SKAP1: variants seen among roughly 807,000 people sequenced by gnomAD.
The protein encoded by SKAP1 is src kinase associated phosphoprotein 1.
Under a neutral mutation model 58.5 loss-of-function variants are expected in SKAP1, and 44 were observed. The observed-to-expected ratio is 0.75, with a 90% CI of 0.59 to 0.97. The LOEUF is 0.97. Ranked by LOEUF, SKAP1 falls within the 50% of genes least tolerant of loss-of-function variation. SKAP1 has a pLI of 0.00. For synonymous variants in SKAP1, 127 were observed against 149.7 expected (o/e 0.85, Z 1.11); for missense variants, 390 against 435.2 (o/e 0.90, Z 0.92).
Position 48,189,398 on chromosome 17 carries a change from T to C in SKAP1, c.358+25A>G, listed in dbSNP as rs369586698. The C allele has an allele frequency of 4.7e-5, 74 of 1,580,084 alleles. No individual in the cohort carries two copies. In the African/African-American group the frequency reaches 9.5e-4, roughly 20 times the overall value. On this transcript the variant is annotated intron_variant, in intron 5 of 12. Transcript: ENST00000336915. Reference sequence around the variant, plus strand: ...CTTCCCTTCCCTTCCTGGAATGTTCTGAAATCTGTGGGTCTGACCAATACC... The same window carrying C: ...CTTCCCTTCCCTTCCTGGAATGTTCCGAAATCTGTGGGTCTGACCAATACC...
the SKAP1 span, among the ~76,000 whole-genome samples, chr17:48,444,405 C>T: frequency 6.6e-6 from 1 of 152,198 alleles, no homozygotes; most frequent in South Asian, 2.1e-4. Flanking sequence ...AACCCACAAA[C>T]ACCCAGTATG....
At chr17:48,315,326 A>T (rs2066274276) in intron 4 of SKAP1, among the ~76,000 whole-genome samples, 1 of 152,196 alleles carries the variant, frequency 6.6e-6, no homozygotes. Flanking sequence ...GTATCTGTGA[A>T]CACTCTGAAA....
intron 4 of SKAP1, among the ~76,000 whole-genome samples, chr17:48,270,929 T>G: frequency 7.3e-6 from 1 of 136,248 alleles, no homozygotes; most frequent in Admixed American, 7.5e-5. Context: ...CTTTTAAAGG[T>G]AGTGCAGGTT....
chr17:48,363,826 G>T lies in SKAP1; in HGVS notation c.153-12C>A. ...AATCCCAATAGTACCTGAAATACAA[G>T]GGGGAAAAAAAAAGGGAATAAGTCA... On this transcript the variant is annotated splice_polypyrimidine_tract_variant and intron_variant, in intron 2 of 12. Transcript: ENST00000336915. The T allele has an allele frequency of 1.3e-6, 2 of 1,598,972 alleles. No individual in the cohort carries two copies. The highest frequency in any genetic ancestry group is 1.1e-5 in the South Asian group (1 of 88,636).
chr17:48,253,500 C>T (rs921960034), intron 4 of SKAP1, among the ~76,000 whole-genome samples: 8 of 152,098 alleles, frequency 5.3e-5, no homozygotes, highest in African/African-American at 1.7e-4. Context: ...TAAAATTACA[C>T]GTGGCATTTC....
At chr17:48,172,059 T>C (rs1598393886) in intron 9 of SKAP1, among the ~76,000 whole-genome samples, 1 of 152,078 alleles carries the variant, frequency 6.6e-6, no homozygotes, top group East Asian at 1.9e-4. Context: ...GACTCTGTCC[T>C]GGGGAAAAAA....
intron 5 of SKAP1, 66 bp downstream of exon 5, chr17:48,189,357 G>T: frequency 7.6e-7 from 1 of 1,322,542 alleles, no homozygotes; most frequent in Non-Finnish European, 1.1e-6. Flanking sequence ...CAATGTGTTA[G>T]CCTTCTTTTT....
At chr17:48,231,620 A>T (rs2065127002) in intron 4 of SKAP1, among the ~76,000 whole-genome samples, 1 of 152,102 alleles carries the variant, frequency 6.6e-6, no homozygotes, top group Non-Finnish European at 1.5e-5. Context: ...GTTGTCCCAT[A>T]GAAATAGGGA....
At chr17:48,337,928 G>A (rs1367185002) in intron 4 of SKAP1, among the ~76,000 whole-genome samples, 1 of 151,966 alleles carries the variant, frequency 6.6e-6, no homozygotes, top group Non-Finnish European at 1.5e-5. Context: ...GGTGGTCTTG[G>A]GTATGATACT....
rs536597175 is a variant in SKAP1 at position 48,342,912 on chromosome 17, G to C, written c.280+2993C>G. Among the ~76,000 whole-genome samples, 11 of 151,706 alleles carry C rather than the reference G, an allele frequency of 7.3e-5. No individual in the cohort carries two copies. In the East Asian group the frequency reaches 2.1e-3, roughly 29 times the overall value. ...AGGCAGGAGAATGGCGTGAACCCAG[G>C]AGGCAGAGTTTGCAGTGAGCCGAGA... On this transcript the variant is annotated intron_variant, in intron 4 of 12. Coordinates refer to ENST00000336915, the MANE Select transcript of SKAP1 (RefSeq NM_003726.4).
At chr17:48,274,230 A>G (rs113791413) in intron 4 of SKAP1, among the ~76,000 whole-genome samples, 23,213 of 152,018 alleles carry the variant, frequency 0.15, 2,417 homozygotes, top group Non-Finnish European at 0.22. Flanking sequence ...CCCTGTCTCT[A>G]TTAAAAATAC....
intron 4 of SKAP1, among the ~76,000 whole-genome samples, chr17:48,235,668 A>G (rs945433771): frequency 5.3e-5 from 8 of 152,234 alleles, no homozygotes; most frequent in African/African-American, 1.9e-4. Flanking sequence ...GTAGTGCAGC[A>G]AAGCTGAGGA....
At chr17:48,200,382 C>CT (rs971038327) in intron 4 of SKAP1, among the ~76,000 whole-genome samples, 29 of 147,206 alleles carry the variant, frequency 2.0e-4, no homozygotes, top group Admixed American at 3.4e-4. Flanking sequence ...TTCTTTCTTT[C>CT]TTTTTTTTTT....
the SKAP1 span, among the ~76,000 whole-genome samples, chr17:48,435,441 A>G: frequency 6.6e-6 from 1 of 152,192 alleles, no homozygotes; most frequent in Non-Finnish European, 1.5e-5. Flanking sequence ...TCTGAGTGAG[A>G]TGTGGAAACA....
chr17:48,276,479 C>T (rs2065703136), intron 4 of SKAP1, among the ~76,000 whole-genome samples: 1 of 152,178 alleles, frequency 6.6e-6, no homozygotes, highest in Non-Finnish European at 1.5e-5. Context: ...AAGGCAGGGA[C>T]TAGGTCTTAT....
At chr17:48,205,010 T>C (rs2064785990) in intron 4 of SKAP1, among the ~76,000 whole-genome samples, 1 of 24,188 alleles carries the variant, frequency 4.1e-5, no homozygotes, top group Non-Finnish European at 7.3e-5. Flanking sequence ...TCTTTCTTTC[T>C]TTCTTTTTCT....
At chr17:48,234,526 G>A (rs2065159368) in intron 4 of SKAP1, among the ~76,000 whole-genome samples, 1 of 152,142 alleles carries the variant, frequency 6.6e-6, no homozygotes, top group Non-Finnish European at 1.5e-5. Flanking sequence ...TGGCATCTGA[G>A]CCCCAGATAT....
At chr17:48,337,927 G>C (rs1457732932) in intron 4 of SKAP1, among the ~76,000 whole-genome samples, 2 of 152,066 alleles carry the variant, frequency 1.3e-5, no homozygotes, top group Non-Finnish European at 2.9e-5. Flanking sequence ...AGGTGGTCTT[G>C]GGTATGATAC....
chr17:48,280,440 A>G (rs550576711), intron 4 of SKAP1, among the ~76,000 whole-genome samples: 4 of 150,560 alleles, frequency 2.7e-5, no homozygotes, highest in South Asian at 4.2e-4. Context: ...TCCAGCCTGG[A>G]TGACAGGCTG....
Sources: gnomAD v4.1 joint callset for allele counts (sites outside exome capture counted in the v4.1 genomes callset) on GRCh38, gnomAD v4.1.1 for gene constraint, MANE v1.5 for transcripts, NCBI Gene and HGNC (gene_info 2026-07-23, HGNC 2026-07-21) for gene names.